The following HHLA1 variants were observed in gnomAD, a reference collection of about 807,000 sequenced individuals.
HHLA1 encodes HHLA1 neighbor of OC90, also known as HERV-H LTR-associating protein 1.
Under a neutral mutation model 69.9 loss-of-function variants are expected in HHLA1, and 72 were observed. That is an observed-to-expected ratio of 1.03 (90% CI 0.85 to 1.25). HHLA1 has a LOEUF of 1.25. Among genes scored for constraint, HHLA1 ranks in the 50% most tolerant of loss-of-function variants. HHLA1 has a pLI of 0.00. For synonymous variants in HHLA1, 252 were observed against 233.2 expected (o/e 1.08, Z -0.73); for missense variants, 685 against 642.2 (o/e 1.07, Z -0.72).
chr8:132,077,974 G>T lies in HHLA1; in HGVS notation c.926-3C>A. On this transcript the variant is annotated splice_polypyrimidine_tract_variant and splice_region_variant and intron_variant, in intron 11 of 16. Transcript: ENST00000414222. ...AGTTCTGGCCACCCTCCTGGTAGCT[G>T]CACATTCAAAGTGACAGTAACAGGG... 6.4e-7 allele frequency: 1 copy of T among 1,551,492 alleles called. No homozygotes were observed. The highest frequency in any genetic ancestry group is 8.7e-7 in the Non-Finnish European group (1 of 1,146,848).
intron 14 of HHLA1, among the ~76,000 whole-genome samples, chr8:132,072,512 A>G (rs1241678980): frequency 6.6e-6 from 1 of 152,178 alleles, no homozygotes; most frequent in Non-Finnish European, 1.5e-5. Flanking sequence ...TACAAAATGA[A>G]TAAGAAGAAA....
In HHLA1 at chr8:132,077,363, G is replaced by A. The variant is rs1281243981; in HGVS notation, c.1171+363C>T. ...GTCTAGAGGAGGAAGGTGGAGGGGC[G>A]AGGTGAGGCTGAGCAGCAGGCAGGG... is the stretch of plus-strand genomic sequence containing the variant. On this transcript the variant is annotated intron_variant, in intron 12 of 16. Coordinates refer to ENST00000414222, the MANE Select transcript of HHLA1 (RefSeq NM_001145095.3). Among the ~76,000 whole-genome samples the A allele has an allele frequency of 3.9e-5, 6 of 152,160 alleles. No individual in the cohort carries two copies. In the South Asian group the frequency reaches 1.0e-3, roughly 26 times the overall value.
At chr8:132,085,724 GGTTT>G (rs1224877332) in intron 10 of HHLA1, 1 of 151,414 alleles carries the variant, frequency 6.6e-6, no homozygotes, top group Non-Finnish European at 1.5e-5. Flanking sequence ...AGTCAAAGGG[GGTTT>G]GTTCTCTGGC....
intron 14 of HHLA1, 83 bp from the exon 15 acceptor site, chr8:132,071,576 T>C: frequency 7.6e-7 from 1 of 1,319,814 alleles, no homozygotes; most frequent in Non-Finnish European, 1.1e-6. Flanking sequence ...ATCAGGTGAA[T>C]ATAGTCTTGT....
chr8:132,071,270 G>C, intron 15 of HHLA1, 70 bp downstream of exon 15: 1 of 1,398,868 alleles, frequency 7.1e-7, no homozygotes. Flanking sequence ...CTTGTGGCCT[G>C]CAGAAAAGCC....
chr8:132,085,951 G>C (rs180950158), intron 10 of HHLA1, among the ~76,000 whole-genome samples: 1,580 of 152,192 alleles, frequency 0.01, 20 homozygotes, highest in African/African-American at 0.037. Context: ...TGGGCGTATA[G>C]GTGCAAGTCA....
In HHLA1 at chr8:132,077,923, G is replaced by C. The variant is rs561096835; in HGVS notation, c.974C>G (p.Thr325Arg). 1 of 1,551,576 alleles carries C rather than the reference G, an allele frequency of 6.4e-7. No individual in the cohort carries two copies. The highest frequency in any genetic ancestry group is 1.4e-5 in the African/African-American group (1 of 73,142). ...RTQWLTADRQ[T>R]WASISSVPWA... Reference sequence around the variant, plus strand: ...GGGCACGGACGATATGGAAGCCCACGTCTGTCTGTCAGCTGTCAACCACTG... The same window carrying C: ...GGGCACGGACGATATGGAAGCCCACCTCTGTCTGTCAGCTGTCAACCACTG... The change falls in exon 12 of 17, where the codon ACG (threonine) becomes AGG (arginine). Residue 325 changes from threonine (T) to arginine (R), a missense_variant. Coordinates refer to ENST00000414222, the MANE Select transcript of HHLA1 (RefSeq NM_001145095.3).
At chr8:132,082,604 G>C (rs1823775546) in intron 10 of HHLA1, among the ~76,000 whole-genome samples, 12 of 152,112 alleles carry the variant, frequency 7.9e-5, no homozygotes, top group Admixed American at 7.9e-4. Flanking sequence ...GTGAAGCTTT[G>C]CAGCAGTACA....
intron 1 of HHLA1, among the ~76,000 whole-genome samples, chr8:132,110,534 T>C (rs549946293): frequency 6.6e-6 from 1 of 152,316 alleles, no homozygotes; most frequent in South Asian, 2.1e-4. Context: ...TAGTAACCCA[T>C]TGGTCCTTCA....
intron 15 of HHLA1, among the ~76,000 whole-genome samples, chr8:132,069,159 G>T (rs1014203124): frequency 6.6e-6 from 1 of 152,100 alleles, no homozygotes; most frequent in Non-Finnish European, 1.5e-5. Flanking sequence ...ACATCTCAGT[G>T]GTCCTTAGAT....
At chr8:132,075,203 G>C (rs1403579299) in intron 14 of HHLA1, among the ~76,000 whole-genome samples, 5 of 152,188 alleles carry the variant, frequency 3.3e-5, no homozygotes. Flanking sequence ...GCAGATCTAA[G>C]GTGACATGAA....
intron 7 of HHLA1, among the ~76,000 whole-genome samples, chr8:132,094,988 GA>G (rs529480445): frequency 9.9e-5 from 15 of 151,900 alleles, no homozygotes; most frequent in African/African-American, 2.9e-4. Context: ...CTCTCCTTGG[GA>G]AAAAAAAGTT....
chr8:132,080,140 T>C (rs1442993183), intron 10 of HHLA1, 174 bp from the exon 11 acceptor site: 1 of 879,642 alleles, frequency 1.1e-6, no homozygotes, highest in East Asian at 2.7e-5. Flanking sequence ...GTCAGAGCCT[T>C]TCTTCCACCT....
At chr8:132,086,615 G>C (rs534525857) in intron 10 of HHLA1, among the ~76,000 whole-genome samples, 2 of 150,162 alleles carry the variant, frequency 1.3e-5, no homozygotes, top group African/African-American at 5.0e-5. Context: ...TGAGACTGGC[G>C]TGTGTGTGTG....
In HHLA1 at chr8:132,079,762, G is replaced by A; in HGVS notation, c.881C>T (p.Ala294Val). Residue 294 changes from alanine to valine, a missense_variant, in exon 11 of 17, where the codon GCC (alanine) becomes GTC (valine). Physicochemically the swap from Ala to Val is moderately conservative, Grantham distance 64. Transcript: ENST00000414222. ...GGAGGCACTGAACCATGTGGCTGTGGCCCTGGCTGGAAGCTCAGGAGGCCT... is the reference window on the plus strand; with the variant it reads ...GGAGGCACTGAACCATGTGGCTGTGACCCTGGCTGGAAGCTCAGGAGGCCT... ...TGRPPELPAR[A>V]TATWFSASHT... 6.4e-7 allele frequency: 1 copy of A among 1,551,586 alleles called. No homozygotes were observed. Among genetic ancestry groups the A allele is most frequent in the South Asian group, 1.2e-5 (1 of 84,050 alleles).
chr8:132,086,661 TC>T (rs1390934282), intron 10 of HHLA1, among the ~76,000 whole-genome samples: 3 of 152,092 alleles, frequency 2.0e-5, no homozygotes, highest in African/African-American at 7.2e-5. Flanking sequence ...ATGGAAAGAC[TC>T]TCCAAATAAA....
At position 132,087,872 on chromosome 8, in the gene HHLA1, A is replaced by G; in HGVS notation, c.562T>C (p.Phe188Leu). ...VNQSNESDCI[F>L]ICVMTGKSGR... ...GACTTTCCTGTCATCACACAGATGA[A>G]GATGCAATCTGATTCATTGCTTTGA... is the stretch of plus-strand genomic sequence containing the variant. The change falls in exon 9 of 17, where the codon TTC (phenylalanine) becomes CTC (leucine). Residue 188 changes from phenylalanine to leucine, a missense_variant. By Grantham distance (22) the Phe-to-Leu change is conservative. Transcript: ENST00000414222. 6.4e-7 allele frequency: 1 copy of G among 1,551,686 alleles called. No homozygotes were observed.
intron 5 of HHLA1, among the ~76,000 whole-genome samples, chr8:132,096,680 C>T (rs1161420387): frequency 6.6e-6 from 1 of 152,158 alleles, no homozygotes; most frequent in Non-Finnish European, 1.5e-5. Context: ...CCTGCATCAA[C>T]ACACCTTTAA....
At position 132,108,233 on chromosome 8, in the gene HHLA1, G is replaced by T. The variant is rs907905308; in HGVS notation, c.-22+2869C>A. On this transcript the variant is annotated intron_variant, in intron 1 of 16. Coordinates refer to ENST00000414222, the MANE Select transcript of HHLA1 (RefSeq NM_001145095.3). ...TGTAGACTGTAGCGGACAGTGTCTG[G>T]CATGGAGCAAGTGCTATATAAATGT... Among the ~76,000 whole-genome samples the T allele has an allele frequency of 2.0e-5, 3 of 152,276 alleles. No individual in the cohort carries two copies. In the East Asian group the frequency reaches 5.8e-4, roughly 29 times the overall value.
Sources: gnomAD v4.1 joint callset for allele counts (sites outside exome capture counted in the v4.1 genomes callset) on GRCh38, gnomAD v4.1.1 for gene constraint, MANE v1.5 for transcripts, NCBI Gene and HGNC (gene_info 2026-07-23, HGNC 2026-07-21) for gene names.